The following PBX1 variants were observed in gnomAD, a reference collection of about 807,000 sequenced individuals.
The protein encoded by PBX1 is pre-B-cell leukemia transcription factor 1.
Under a neutral mutation model 53.4 loss-of-function variants are expected in PBX1, and 6 were observed. The ratio of observed to expected loss-of-function variants is 0.11; its 90% CI spans 0.06 to 0.22. PBX1 has a LOEUF of 0.22. Ranked by LOEUF, PBX1 falls within the 10% of genes least tolerant of loss-of-function variation. The probability of loss-of-function intolerance (pLI) is 1.00; values close to 1 mark genes in which losing one functional copy is unlikely to be tolerated. For missense variants in PBX1, 251 were observed against 551.4 expected, an observed-to-expected ratio of 0.46 and a Z score of 5.46; for synonymous variants, 204 against 212.3, an observed-to-expected ratio of 0.96 and a Z score of 0.34.
intron 2 of PBX1, among the ~76,000 whole-genome samples, chr1:164,612,745 C>T (rs1014311587): frequency 6.6e-6 from 1 of 152,142 alleles, no homozygotes; most frequent in Non-Finnish European, 1.5e-5. Flanking sequence ...ACCTCTGTTC[C>T]CGTCTTCCTG....
intron 2 of PBX1, among the ~76,000 whole-genome samples, chr1:164,789,174 C>T (rs546955428): frequency 2.0e-5 from 3 of 152,264 alleles, no homozygotes; most frequent in Admixed American, 6.5e-5. Context: ...CTTTGCCAGC[C>T]TTGACAATTT....
At chr1:164,618,250 C>T (rs1043175170) in intron 2 of PBX1, among the ~76,000 whole-genome samples, 1 of 139,840 alleles carries the variant, frequency 7.2e-6, no homozygotes, top group Non-Finnish European at 1.5e-5. Flanking sequence ...CTTAAAAGTT[C>T]GGAGAGGAGA....
chr1:164,690,153 T>C (rs958874995), intron 2 of PBX1, among the ~76,000 whole-genome samples: 1 of 152,154 alleles, frequency 6.6e-6, no homozygotes, highest in Non-Finnish European at 1.5e-5. Flanking sequence ...CGGCCTCCCC[T>C]CTGTGCTCTC....
chr1:164,587,976 TGTC>T (rs1655068214), intron 2 of PBX1, among the ~76,000 whole-genome samples: 1 of 152,250 alleles, frequency 6.6e-6, no homozygotes, highest in Admixed American at 6.5e-5. Flanking sequence ...AAGGATGCCT[TGTC>T]ACCTCTCATC....
chr1:164,788,804 T>TG (rs1668339855), intron 2 of PBX1, among the ~76,000 whole-genome samples: 1 of 145,272 alleles, frequency 6.9e-6, no homozygotes, highest in Admixed American at 6.9e-5. Context: ...GAACTCTGAT[T>TG]GGGGACCTAT....
At chr1:164,815,057 A>G (rs1326295120) in intron 6 of PBX1, 1 of 152,240 alleles carries the variant, frequency 6.6e-6, no homozygotes, top group African/African-American at 2.4e-5. Context: ...TAAATTTTGA[A>G]AAAAGAAAGC....
At chr1:164,827,888 A>C (rs1670546324) in intron 8 of PBX1, among the ~76,000 whole-genome samples, 1 of 152,248 alleles carries the variant, frequency 6.6e-6, no homozygotes, top group Non-Finnish European at 1.5e-5. Flanking sequence ...ATCATGGTAC[A>C]TCCAGGTCAA....
intron 2 of PBX1, among the ~76,000 whole-genome samples, chr1:164,740,487 G>A (rs1364371625): frequency 6.6e-6 from 1 of 152,086 alleles, no homozygotes; most frequent in Non-Finnish European, 1.5e-5. Flanking sequence ...TCAGAGTGGA[G>A]ACCAGTTGAT....
downstream of PBX1, chr1:164,854,337 TAA>T (rs1553254577): frequency 8.5e-6 from 1 of 118,158 alleles, no homozygotes; most frequent in Non-Finnish European, 1.8e-5. Context: ...CCTTTTAAAT[TAA>T]AAAAAATTTT....
chr1:164,782,892 C>A (rs1185753734), intron 2 of PBX1, among the ~76,000 whole-genome samples: 13 of 152,148 alleles, frequency 8.5e-5, no homozygotes, highest in Admixed American at 8.5e-4. Context: ...CAGATCCCAC[C>A]CAGAATCAAA....
chr1:164,882,604 T>A (rs1006014963), intron 2 of PBX1, among the ~76,000 whole-genome samples: 1 of 152,196 alleles, frequency 6.6e-6, no homozygotes, highest in African/African-American at 2.4e-5. Flanking sequence ...TATTCTATAT[T>A]CTTTTTAAAA....
At chr1:164,651,470 A>T (rs1408584981) in intron 2 of PBX1, among the ~76,000 whole-genome samples, 1 of 151,976 alleles carries the variant, frequency 6.6e-6, no homozygotes, top group African/African-American at 2.4e-5. Flanking sequence ...CGGGCCCTGC[A>T]GTGTTGAGCC....
At chr1:164,638,932 TC>T (rs35377048) in intron 2 of PBX1, among the ~76,000 whole-genome samples, 1 of 152,242 alleles carries the variant, frequency 6.6e-6, no homozygotes, top group East Asian at 1.9e-4. Context: ...GTGTGCAGAC[TC>T]CCCCTACCCC....
intron 2 of PBX1, among the ~76,000 whole-genome samples, chr1:164,721,192 G>A (rs962339991): frequency 3.9e-5 from 6 of 152,184 alleles, no homozygotes; most frequent in African/African-American, 1.4e-4. Context: ...TCATCATGCA[G>A]GGGGCTTTTT....
At chr1:164,762,505 C>A (rs1404163978) in intron 2 of PBX1, among the ~76,000 whole-genome samples, 1 of 152,208 alleles carries the variant, frequency 6.6e-6, no homozygotes, top group Non-Finnish European at 1.5e-5. Flanking sequence ...AAGTGTGCTT[C>A]ATTTTCATAT....
chr1:164,772,011 G>A (rs1030223870), intron 2 of PBX1, among the ~76,000 whole-genome samples: 1 of 152,212 alleles, frequency 6.6e-6, no homozygotes, highest in East Asian at 1.9e-4. Flanking sequence ...CCCAAGAATA[G>A]GGGGGAAAAA....
chr1:164,670,818 A>G (rs1053942157), intron 2 of PBX1, among the ~76,000 whole-genome samples: 2 of 152,206 alleles, frequency 1.3e-5, no homozygotes, highest in African/African-American at 2.4e-5. Context: ...GACAGTGAAC[A>G]AAGCATTGGG....
intron 2 of PBX1, among the ~76,000 whole-genome samples, chr1:164,637,386 G>A (rs993204081): frequency 6.6e-6 from 1 of 152,288 alleles, no homozygotes; most frequent in South Asian, 2.1e-4. Flanking sequence ...TTCTTATGTG[G>A]GTCTAGCGTG....
intron 2 of PBX1, among the ~76,000 whole-genome samples, chr1:164,660,715 T>TTATGTACATTATGACATCATTATGTACA (rs1660438766): frequency 6.6e-6 from 1 of 152,218 alleles, no homozygotes; most frequent in Non-Finnish European, 1.5e-5. Flanking sequence ...ACTACAGCTC[T>TTATGTACATTATGACATCATTATGTACA]TCAGTGCCTT....
Sources: allele counts gnomAD v4.1 joint callset (sites outside exome capture counted in the v4.1 genomes callset), GRCh38; gene constraint gnomAD v4.1.1; transcripts MANE v1.5; gene names NCBI Gene and HGNC (gene_info 2026-07-23, HGNC 2026-07-21).